Variants in KIAA1755 observed in about 807,000 individuals in gnomAD.
The protein encoded by KIAA1755 is KIAA1755, also known as uncharacterized protein KIAA1755.
KIAA1755 carries 68 observed loss-of-function variants against 91.7 expected under a neutral mutation model. That is an observed-to-expected ratio of 0.74 (90% CI 0.61 to 0.91). The LOEUF (loss-of-function observed/expected upper bound fraction) is 0.91. Among genes scored for constraint, KIAA1755 ranks in the 40% least tolerant of loss-of-function variants. KIAA1755 has a pLI of 0.00. For missense variants in KIAA1755, 1,535 were observed against 1,494.4 expected (o/e 1.03, Z -0.45); for synonymous variants, 610 against 604.6 (o/e 1.01, Z -0.13).
chr20:38,220,289 A>C (rs774832279), intron 10 of KIAA1755, among the ~76,000 whole-genome samples: 10 of 144,042 alleles, frequency 6.9e-5, no homozygotes, highest in Non-Finnish European at 1.4e-4. Flanking sequence ...CAACACACTG[A>C]TGTTTCCCTT....
At position 38,219,619 on chromosome 20, in the gene KIAA1755, A is replaced by G. The variant is rs544070070; in HGVS notation, c.2556+11T>C. On this transcript the variant is annotated intron_variant, in intron 11 of 13. Transcript: ENST00000279024. ...AGAACCCCCACACCCCAAGCCAGAC[A>G]CCCCTTTCACCTGGTGAATGGCAGC... is the stretch of plus-strand genomic sequence containing the variant. The G allele has an allele frequency of 9.2e-5, 149 of 1,613,682 alleles. No individual in the cohort carries two copies. The South Asian group carries it at 1.5e-3, about 16-fold the overall frequency.
intron 1 of KIAA1755, among the ~76,000 whole-genome samples, chr20:38,259,867 GTC>G (rs1227561997): frequency 7.2e-6 from 1 of 139,860 alleles, no homozygotes; most frequent in African/African-American, 2.9e-5. Context: ...CTCCCAGAAT[GTC>G]TCAACTTTTT....
chr20:38,237,103 C>A (rs1278262703), intron 4 of KIAA1755, among the ~76,000 whole-genome samples: 2 of 147,476 alleles, frequency 1.4e-5, no homozygotes, highest in African/African-American at 5.0e-5. Flanking sequence ...AATGACCTTC[C>A]TTCTGGTCTG....
At chr20:38,223,505 G>A in intron 9 of KIAA1755, 33 bp downstream of exon 9, 3 of 1,496,422 alleles carry the variant, frequency 2.0e-6, no homozygotes, top group Non-Finnish European at 2.7e-6. Context: ...GGGGTGTGAT[G>A]TAGCTTCCCC....
intron 2 of KIAA1755, among the ~76,000 whole-genome samples, chr20:38,245,691 C>G (rs549972129): frequency 6.6e-6 from 1 of 152,310 alleles, no homozygotes; most frequent in African/African-American, 2.4e-5. Context: ...CTCAGGCCTT[C>G]TTCTCTGCTG....
Position 38,212,909 on chromosome 20 carries a change from AGCAGAG to A in KIAA1755, c.*127_*132del. The A allele has an allele frequency of 1.4e-6, 1 of 691,618 alleles. No homozygotes were observed. Among genetic ancestry groups the A allele is most frequent in the Non-Finnish European group, 2.3e-6 (1 of 429,018 alleles). 42.8% of individuals were successfully genotyped at this position (691,618 alleles called of 1,614,324 possible). A position where few individuals can be genotyped will look rare whatever the true frequency, so the allele number is the denominator to read the frequency against. ...GCAGGTCGACAGTTCTCATCCTCCC[AGCAGAG>A]GCAGAATGTAAAACCAGTGCTCCAT... On this transcript the variant is annotated 3_prime_UTR_variant, in exon 14 of 14. Coordinates refer to ENST00000279024, the MANE Select transcript of KIAA1755 (RefSeq NM_001029864.2).
intron 9 of KIAA1755, among the ~76,000 whole-genome samples, chr20:38,223,332 A>G (rs2123104499): frequency 6.6e-6 from 1 of 152,382 alleles, no homozygotes; most frequent in South Asian, 2.1e-4. Flanking sequence ...ACGAGCCCCA[A>G]GAGGGCAGGG....
At chr20:38,226,277 A>G (rs935852662) in intron 7 of KIAA1755, among the ~76,000 whole-genome samples, 6 of 152,232 alleles carry the variant, frequency 3.9e-5, no homozygotes, top group Admixed American at 3.9e-4. Context: ...TCTGCCAGGC[A>G]GAGAAATTTG....
At chr20:38,222,120 G>A (rs1371813269) in intron 10 of KIAA1755, among the ~76,000 whole-genome samples, 2 of 152,260 alleles carry the variant, frequency 1.3e-5, no homozygotes, top group Admixed American at 1.3e-4. Context: ...GCAGGCTCTT[G>A]CAGGGGTTCA....
rs373233846 is a variant in KIAA1755, at chr20:38,213,334, G to A, written c.3311C>T (p.Pro1104Leu). The change falls in exon 14 of 14, where the codon CCA becomes CTA. Residue 1104 changes from proline to leucine, a missense_variant. By Grantham distance (98) the Pro-to-Leu change is moderately conservative. Coordinates refer to ENST00000279024, the MANE Select transcript of KIAA1755 (RefSeq NM_001029864.2). ...GGGCCCAGGAGGCCAATAGGACTTTGGCAAATGGTCCATGCCCAGTGAGTC... is the reference window on the plus strand; with the variant it reads ...GGGCCCAGGAGGCCAATAGGACTTTAGCAAATGGTCCATGCCCAGTGAGTC... Reference protein sequence around the residue: ...PLDSLGMDHLPKSYWPPGPPR... With the variant: ...PLDSLGMDHLLKSYWPPGPPR... 3.7e-6 allele frequency: 6 copies of A among 1,612,340 alleles called. No homozygotes were observed. Among genetic ancestry groups the A allele is most frequent in the Non-Finnish European group, 1.7e-6 (2 of 1,179,182 alleles).
rs1206247682 is a variant in KIAA1755 at position 38,241,252 on chromosome 20, C to T, written c.879G>A (p.Glu293=). Reference sequence around the variant, plus strand: ...AAGTACACCCACTGGATGTGCCTGCCTCCCTACTGGGAGACTCTCCTCTGC... The same window carrying T: ...AAGTACACCCACTGGATGTGCCTGCTTCCCTACTGGGAGACTCTCCTCTGC... ...QESRGESPSR[E]AGTSSGCTSG... The change falls in exon 3 of 14, where the codon GAG becomes GAA. Residue 293 remains glutamate (E), a synonymous_variant. Transcript: ENST00000279024. 1.9e-6 allele frequency: 3 copies of T among 1,614,166 alleles called. No homozygotes were observed. The highest frequency in any genetic ancestry group is 1.7e-4 in the Middle Eastern group (1 of 6,060).
intron 3 of KIAA1755, 99 bp from the exon 4 acceptor site, chr20:38,239,824 AC>A: frequency 4.6e-6 from 5 of 1,082,894 alleles, no homozygotes; most frequent in Non-Finnish European, 6.8e-6. Flanking sequence ...ATAATAGCTT[AC>A]AACTATTGAT....
chr20:38,213,803 T>A (rs1238650345), intron 13 of KIAA1755, 60 bp from the exon 14 acceptor site: 1 of 1,239,516 alleles, frequency 8.1e-7, no homozygotes, highest in Non-Finnish European at 1.1e-6. Flanking sequence ...CATGGAGGAC[T>A]GAATTAATAA....
At chr20:38,215,709 C>G (rs1211174680) in intron 13 of KIAA1755, among the ~76,000 whole-genome samples, 1 of 152,136 alleles carries the variant, frequency 6.6e-6, no homozygotes, top group African/African-American at 2.4e-5. Context: ...CACGTTTGAT[C>G]GATCCGGGAA....
rs747693591 is a variant in KIAA1755, at chr20:38,222,537, C to T, written c.2329G>A (p.Gly777Ser). 5.6e-6 allele frequency: 9 copies of T among 1,613,632 alleles called. No homozygotes were observed. Among genetic ancestry groups the T allele is most frequent in the East Asian group, 4.5e-5 (2 of 44,870 alleles). ...CCTTCCCGCTGGAGGCCCAGTAGGC[C>T]GGGGTCCCTCAGCACAGCCTCCATC... ...ELMEAVLRDPGLLGLQREGGA... is the reference protein window; with the variant it reads ...ELMEAVLRDPSLLGLQREGGA... Residue 777 changes from glycine to serine, a missense_variant, in exon 10 of 14, where the codon GGC (glycine) becomes AGC (serine). Gly to Ser is a moderately conservative substitution (Grantham distance 56, BLOSUM62 0). Coordinates refer to ENST00000279024, the MANE Select transcript of KIAA1755 (RefSeq NM_001029864.2).
chr20:38,223,701 C>G, intron 8 of KIAA1755, 65 bp from the exon 9 acceptor site: 1 of 1,231,490 alleles, frequency 8.1e-7, no homozygotes, highest in Non-Finnish European at 1.2e-6. Flanking sequence ...CCTCTTGCAT[C>G]TCAGGAGCAC....
Position 38,241,028 on chromosome 20 carries a change from G to T in KIAA1755, c.1103C>A (p.Pro368Gln). Reference sequence around the variant, plus strand: ...GACATTCATGTAGGAGCCTTGGGGCGGCCTTTCTGAGTTGTGGGTGGGTGC... The same window carrying T: ...GACATTCATGTAGGAGCCTTGGGGCTGCCTTTCTGAGTTGTGGGTGGGTGC... ...LKAPTHNSER[P>Q]PQGSYMNVLE... The change falls in exon 3 of 14, where the codon CCG (proline) becomes CAG (glutamine). Residue 368 changes from proline to glutamine, a missense_variant. Coordinates refer to ENST00000279024, the MANE Select transcript of KIAA1755 (RefSeq NM_001029864.2). 3 of 1,614,158 alleles carry T rather than the reference G, an allele frequency of 1.9e-6. No homozygotes were observed. The highest frequency in any genetic ancestry group is 2.5e-6 in the Non-Finnish European group (3 of 1,180,028).
At chr20:38,236,567 T>G (rs2075964182) in intron 4 of KIAA1755, among the ~76,000 whole-genome samples, 1 of 152,204 alleles carries the variant, frequency 6.6e-6, no homozygotes, top group African/African-American at 2.4e-5. Context: ...AGAGGAGGAC[T>G]GGGTGACTGA....
At chr20:38,240,108 G>GTCTT (rs2076028832) in intron 3 of KIAA1755, among the ~76,000 whole-genome samples, 1 of 149,640 alleles carries the variant, frequency 6.7e-6, no homozygotes, top group African/African-American at 2.5e-5. Context: ...CCTTCCTTCC[G>GTCTT]TCTTCCTTCC....
Sources: allele counts gnomAD v4.1 joint callset (sites outside exome capture counted in the v4.1 genomes callset), GRCh38; gene constraint gnomAD v4.1.1; transcripts MANE v1.5; gene names NCBI Gene and HGNC (gene_info 2026-07-23, HGNC 2026-07-21).